The following TPTE variants were observed in gnomAD, a reference collection of about 807,000 sequenced individuals.
TPTE encodes transmembrane phosphatase with tensin homology.
TPTE carries 59 observed loss-of-function variants against 84.1 expected under a neutral mutation model. That is an observed-to-expected ratio of 0.70 (90% CI 0.57 to 0.87). The LOEUF (loss-of-function observed/expected upper bound fraction) is 0.87, where lower values mean the gene tolerates loss of function less well. Ranked by LOEUF, TPTE falls within the 40% of genes least tolerant of loss-of-function variation. The pLI is 0.00. For synonymous variants in TPTE, 130 were observed against 223.5 expected, an observed-to-expected ratio of 0.58 and a Z score of 3.73; for missense variants, 382 against 659.6, an observed-to-expected ratio of 0.58 and a Z score of 4.61.
intron 21 of TPTE, among the ~76,000 whole-genome samples, chr21:10,600,140 C>CTTTTTT (rs71217979): frequency 7.7e-5 from 11 of 142,466 alleles, no homozygotes; most frequent in Admixed American, 1.4e-4. Flanking sequence ...TTTTCTTTTT[C>CTTTTTT]TTTTTTTTTT....
intron 14 of TPTE, chr21:10,576,644 A>G (rs2075157123): frequency 6.6e-6 from 1 of 152,486 alleles, no homozygotes; most frequent in Non-Finnish European, 1.5e-5. Flanking sequence ...GCCAGTAAAC[A>G]TTGCTCTGAG....
In TPTE at chr21:10,542,446, A is replaced by T; in HGVS notation, c.117A>T (p.Glu39Asp). 6.2e-7 allele frequency: 1 copy of T among 1,611,374 alleles called. No homozygotes were observed. Among genetic ancestry groups the T allele is most frequent in the Non-Finnish European group, 8.5e-7 (1 of 1,178,100 alleles). ...KGATEEAPAK[E>D]SPHTSEFKGA... is the part of the protein sequence containing the mutation. Reference sequence around the variant, plus strand: ...CAACCGAGGAGGCACCTGCGAAAGAAAGGTGAGCAATAAATAGTTAAAGTC... The same window carrying T: ...CAACCGAGGAGGCACCTGCGAAAGATAGGTGAGCAATAAATAGTTAAAGTC... The change falls in exon 6 of 24, where the codon GAA becomes GAT. Residue 39 changes from glutamate to aspartate, a missense_variant and splice_region_variant. This residue lies in a region of TPTE where 63 missense variants were observed against 49.5 expected (regional missense o/e 1.27). Transcript: ENST00000618007.
At chr21:10,557,949 T>G (rs1205170273) in intron 8 of TPTE, among the ~76,000 whole-genome samples, 4 of 152,310 alleles carry the variant, frequency 2.6e-5, no homozygotes, top group Admixed American at 2.6e-4. Context: ...ATTTCCTTCT[T>G]TGTGTTCATA....
intron 10 of TPTE, among the ~76,000 whole-genome samples, chr21:10,566,604 T>C (rs945688153): frequency 6.6e-6 from 1 of 152,304 alleles, no homozygotes; most frequent in African/African-American, 2.4e-5. Context: ...GGAAGCAACC[T>C]AAGTGCCCAT....
chr21:10,532,669 C>T (rs945241444), intron 3 of TPTE, among the ~76,000 whole-genome samples: 2 of 152,212 alleles, frequency 1.3e-5, no homozygotes, highest in Non-Finnish European at 1.5e-5. Context: ...TCATTGTATC[C>T]TACAAACTTT....
intron 17 of TPTE, among the ~76,000 whole-genome samples, chr21:10,587,255 A>T (rs1315149945): frequency 1.2e-4 from 18 of 152,282 alleles, no homozygotes; most frequent in African/African-American, 3.4e-4. Context: ...GGAAGTGCAT[A>T]TACAGGTTTA....
chr21:10,558,667 T>TG (rs2074731762), intron 8 of TPTE, among the ~76,000 whole-genome samples: 2 of 152,418 alleles, frequency 1.3e-5, no homozygotes, highest in East Asian at 3.9e-4. Context: ...TTAGGATTCA[T>TG]GGCTCTTGGG....
chr21:10,586,822 C>G (rs2075375542), intron 17 of TPTE, among the ~76,000 whole-genome samples: 1 of 152,310 alleles, frequency 6.6e-6, no homozygotes, highest in South Asian at 2.1e-4. Flanking sequence ...TAAAGATTTA[C>G]TTACTACACT....
Position 10,569,546 on chromosome 21 carries a change from C to G in TPTE, c.666+10C>G, listed in dbSNP as rs200249273. On this transcript the variant is annotated intron_variant, in intron 12 of 23. Transcript: ENST00000618007. Reference sequence around the variant, plus strand: ...GCTGATAAGAAGGCGGGTAAGTGGGCAAAACATGCTTATGATTCACAAAAA... The same window carrying G: ...GCTGATAAGAAGGCGGGTAAGTGGGGAAAACATGCTTATGATTCACAAAAA... 4 of 1,593,856 alleles carry G rather than the reference C, an allele frequency of 2.5e-6. No homozygotes were observed. In the South Asian group the frequency reaches 3.4e-5, roughly 14 times the overall value.
At chr21:10,568,797 A>C (rs1449948551) in intron 11 of TPTE, among the ~76,000 whole-genome samples, 2 of 152,310 alleles carry the variant, frequency 1.3e-5, no homozygotes, top group African/African-American at 4.8e-5. Context: ...CAGCTTAACA[A>C]GCTTTTCCAG....
At position 10,596,075 on chromosome 21, in the gene TPTE, T is replaced by C. The variant is rs775347600; in HGVS notation, c.1264T>C (p.Tyr422His). Residue 422 changes from tyrosine to histidine, a missense_variant, in exon 20 of 24, where the codon TAT (tyrosine) becomes CAT (histidine). Physicochemically the swap from Tyr to His is moderately conservative, Grantham distance 83. This residue lies in a region of TPTE where 36 missense variants were observed against 36.3 expected (regional missense o/e 0.99). Transcript: ENST00000618007. ...RILFIKHFII[Y>H]SIPRYVRDLK... ...ACTCTTTATAAAACACTTCATTATT[T>C]ATTCGATTCCTCGTAAGTGCTTTAT... 6.2e-7 allele frequency: 1 copy of C among 1,614,070 alleles called. No individual in the cohort carries two copies.
chr21:10,587,587 T>A (rs1451827260), intron 17 of TPTE, among the ~76,000 whole-genome samples: 2 of 152,298 alleles, frequency 1.3e-5, no homozygotes, highest in Non-Finnish European at 2.9e-5. Context: ...TTCGCTCTTG[T>A]TGCCCATGCT....
intron 9 of TPTE, among the ~76,000 whole-genome samples, chr21:10,560,800 G>A (rs1442176917): frequency 1.3e-5 from 2 of 152,304 alleles, no homozygotes; most frequent in Non-Finnish European, 1.5e-5. Flanking sequence ...ATAATATCTT[G>A]TGAAGTGGTT....
intron 2 of TPTE, among the ~76,000 whole-genome samples, chr21:10,525,365 A>G (rs2074059914): frequency 6.6e-6 from 1 of 152,312 alleles, no homozygotes; most frequent in Non-Finnish European, 1.5e-5. Flanking sequence ...GACGACACCC[A>G]AGGCTTGATC....
At chr21:10,597,956 A>G in intron 20 of TPTE, 59 bp from the exon 21 acceptor site, 1 of 1,585,208 alleles carries the variant, frequency 6.3e-7, no homozygotes, top group Non-Finnish European at 8.6e-7. Flanking sequence ...TTAATTGGTG[A>G]GACATATTGA....
At chr21:10,559,872 T>TAAAAAAAAAAA (rs61583687) in intron 9 of TPTE, among the ~76,000 whole-genome samples, 1 of 117,120 alleles carries the variant, frequency 8.5e-6, no homozygotes, top group African/African-American at 3.0e-5. Flanking sequence ...AGACTCCATG[T>TAAAAAAAAAAA]AAAAAAAAAA....
chr21:10,579,699 A>G (rs923967973), intron 17 of TPTE, among the ~76,000 whole-genome samples: 280 of 151,816 alleles, frequency 1.8e-3, no homozygotes, highest in East Asian at 0.014. Context: ...CGTCCATATT[A>G]TCTCGAGTGA....
intron 21 of TPTE, among the ~76,000 whole-genome samples, chr21:10,598,816 G>T (rs1327306983): frequency 1.3e-5 from 2 of 152,306 alleles, no homozygotes; most frequent in South Asian, 2.1e-4. Flanking sequence ...CCAGGCCTTT[G>T]TCTCAAATTC....
At chr21:10,576,380 C>G (rs1285458287) in intron 14 of TPTE, 2 of 228,684 alleles carry the variant, frequency 8.7e-6, no homozygotes, top group Non-Finnish European at 1.8e-5. Context: ...CAAGACTGAG[C>G]CTAGTCTCCA....
Sources: gnomAD v4.1 joint callset for allele counts (sites outside exome capture counted in the v4.1 genomes callset) on GRCh38, gnomAD v4.1.1 for gene constraint, gnomAD v4.1.1 regional missense constraint, MANE v1.5 for transcripts, NCBI Gene and HGNC (gene_info 2026-07-23, HGNC 2026-07-21) for gene names.